Variants in GRIK4 observed in about 807,000 individuals in gnomAD.
The protein encoded by GRIK4 is glutamate receptor ionotropic, kainate 4.
In GRIK4, 40 loss-of-function variants were observed where a neutral mutation model predicts 104.9. The ratio of observed to expected loss-of-function variants is 0.38; its 90% CI spans 0.30 to 0.50. GRIK4 has a LOEUF of 0.50. GRIK4 is among the 20% of genes least tolerant of loss of function. GRIK4 has a pLI of 0.93. For synonymous variants in GRIK4, 485 were observed against 524.9 expected (o/e 0.92, Z 1.04); for missense variants, 1,047 against 1,308.1 (o/e 0.80, Z 3.08).
chr11:120,963,560 C>A (rs1944329603), intron 18 of GRIK4, among the ~76,000 whole-genome samples: 1 of 152,164 alleles, frequency 6.6e-6, no homozygotes, highest in Non-Finnish European at 1.5e-5. Flanking sequence ...TGTTCTTGTA[C>A]AAGGCAACAG....
intron 13 of GRIK4, among the ~76,000 whole-genome samples, chr11:120,930,458 A>G (rs1238733358): frequency 1.3e-5 from 2 of 152,214 alleles, no homozygotes; most frequent in African/African-American, 4.8e-5. Flanking sequence ...GGTGGGAACT[A>G]TCATTATCCC....
At chr11:120,836,749 G>A (rs772251987) in intron 7 of GRIK4, 42 bp from the exon 8 acceptor site, 1 of 1,432,758 alleles carries the variant, frequency 7.0e-7, no homozygotes, top group Non-Finnish European at 9.9e-7. Context: ...CTTCAAGTGA[G>A]TTTTTGTTTT....
intron 1 of GRIK4, among the ~76,000 whole-genome samples, chr11:120,604,347 T>C (rs1418907999): frequency 6.6e-6 from 1 of 152,148 alleles, no homozygotes; most frequent in Non-Finnish European, 1.5e-5. Context: ...GGGCATCGCA[T>C]TGCTTTTCCT....
chr11:120,954,130 C>T (rs574382530), intron 15 of GRIK4, among the ~76,000 whole-genome samples: 5 of 152,136 alleles, frequency 3.3e-5, no homozygotes, highest in African/African-American at 7.2e-5. Flanking sequence ...TAGGGAACCA[C>T]GGGCTACCTA....
At chr11:120,643,863 A>G (rs1949503561) in intron 1 of GRIK4, among the ~76,000 whole-genome samples, 2 of 152,144 alleles carry the variant, frequency 1.3e-5, no homozygotes, top group East Asian at 3.9e-4. Flanking sequence ...CAAGGTATTT[A>G]TTTTCTCTGA....
At chr11:120,655,580 GA>G (rs930613263) in intron 2 of GRIK4, among the ~76,000 whole-genome samples, 4 of 152,214 alleles carry the variant, frequency 2.6e-5, no homozygotes, top group African/African-American at 9.6e-5. Context: ...ACCAAATGGA[GA>G]GAGAAAGACC....
Position 120,962,335 on chromosome 11 carries a change from T to G in GRIK4, c.2041-121T>G. The G allele has an allele frequency of 1.4e-5, 9 of 643,350 alleles. No individual in the cohort carries two copies. In the South Asian group the frequency reaches 1.7e-4, roughly 12 times the overall value. The allele number at this position is 643,350 out of a possible 1,614,324, so 39.9% of individuals were successfully genotyped here. ...CAGAAAGGGAAAAGGTTCTTGACTG[T>G]GATCAGCGGGTGGAGAAGCAGAAGG... On this transcript the variant is annotated intron_variant, in intron 17 of 20. Coordinates refer to ENST00000527524, the MANE Select transcript of GRIK4 (RefSeq NM_014619.5).
intron 13 of GRIK4, among the ~76,000 whole-genome samples, chr11:120,913,981 T>C (rs1408212383): frequency 6.6e-6 from 1 of 152,240 alleles, no homozygotes; most frequent in Non-Finnish European, 1.5e-5. Context: ...AAGATACTGA[T>C]CCAGGGGCCA....
At chr11:120,897,978 G>T (rs1157441570) in intron 11 of GRIK4, among the ~76,000 whole-genome samples, 1 of 152,008 alleles carries the variant, frequency 6.6e-6, no homozygotes, top group Non-Finnish European at 1.5e-5. Flanking sequence ...GGAAACTGGG[G>T]TTCTGAAAGA....
At chr11:120,682,626 AT>A (rs1281929279) in intron 3 of GRIK4, among the ~76,000 whole-genome samples, 15 of 144,836 alleles carry the variant, frequency 1.0e-4, no homozygotes, top group Non-Finnish European at 2.2e-4. Flanking sequence ...GCCAACTCCT[AT>A]TTATCCTACA....
intron 4 of GRIK4, among the ~76,000 whole-genome samples, chr11:120,812,410 A>C (rs1055845316): frequency 1.3e-5 from 2 of 152,222 alleles, no homozygotes; most frequent in African/African-American, 4.8e-5. Context: ...CCCAGCTGTA[A>C]AGTGGAGATA....
intron 14 of GRIK4, among the ~76,000 whole-genome samples, chr11:120,948,157 G>C (rs1356084560): frequency 6.6e-6 from 1 of 152,196 alleles, no homozygotes; most frequent in African/African-American, 2.4e-5. Flanking sequence ...CCCAGAAGGA[G>C]TCTTGGAGAC....
intron 1 of GRIK4, among the ~76,000 whole-genome samples, chr11:120,557,125 G>A (rs925975409): frequency 2.0e-5 from 3 of 152,200 alleles, no homozygotes; most frequent in Admixed American, 1.3e-4. Context: ...GAGCCTGCTT[G>A]ATGGCAGCAT....
At chr11:120,518,779 C>T (rs974379683) in intron 1 of GRIK4, among the ~76,000 whole-genome samples, 9 of 152,068 alleles carry the variant, frequency 5.9e-5, no homozygotes, top group South Asian at 2.1e-4. Flanking sequence ...ATACCACCCC[C>T]GGCTAATTTT....
At chr11:120,576,002 C>G (rs549445155) in intron 1 of GRIK4, 1 of 151,734 alleles carries the variant, frequency 6.6e-6, no homozygotes, top group Non-Finnish European at 1.5e-5. Flanking sequence ...CTGCTGCATG[C>G]AGCTGGAAGA....
intron 3 of GRIK4, among the ~76,000 whole-genome samples, chr11:120,789,230 C>T (rs1259023352): frequency 6.6e-6 from 1 of 152,130 alleles, no homozygotes; most frequent in Non-Finnish European, 1.5e-5. Flanking sequence ...AAACAGTGCG[C>T]CCCGAACTTA....
chr11:120,627,381 T>TTC (rs1949274824), intron 1 of GRIK4, among the ~76,000 whole-genome samples: 1 of 152,230 alleles, frequency 6.6e-6, no homozygotes, highest in Non-Finnish European at 1.5e-5. Context: ...GAAACCTGGC[T>TTC]TCTGGTCCCA....
intron 13 of GRIK4, among the ~76,000 whole-genome samples, chr11:120,906,827 C>A (rs1260205322): frequency 6.6e-6 from 1 of 152,156 alleles, no homozygotes; most frequent in Admixed American, 6.5e-5. Flanking sequence ...AATGGCCAGC[C>A]TTGTTCTGGG....
chr11:120,600,445 G>T (rs918762899), intron 1 of GRIK4, among the ~76,000 whole-genome samples: 2 of 152,228 alleles, frequency 1.3e-5, no homozygotes, highest in East Asian at 1.9e-4. Flanking sequence ...AGTGCCTGAG[G>T]CTAACTCAGG....
Sources: allele counts gnomAD v4.1 joint callset (sites outside exome capture counted in the v4.1 genomes callset), GRCh38; gene constraint gnomAD v4.1.1; transcripts MANE v1.5; gene names NCBI Gene and HGNC (gene_info 2026-07-23, HGNC 2026-07-21).